The following MYO18B variants were observed in gnomAD, a reference collection of about 807,000 sequenced individuals.
MYO18B encodes unconventional myosin-XVIIIb.
In MYO18B, 204 loss-of-function variants were observed where a neutral mutation model predicts 273.0. That is an observed-to-expected ratio of 0.75 (90% CI 0.67 to 0.84). The LOEUF is 0.84. MYO18B is among the 40% of genes least tolerant of loss of function. MYO18B has a pLI of 0.00. For synonymous variants in MYO18B, 1,330 were observed against 1,305.7 expected, an observed-to-expected ratio of 1.02 and a Z score of -0.40; for missense variants, 3,212 against 3,287.6, an observed-to-expected ratio of 0.98 and a Z score of 0.56.
chr22:26,014,586 G>A (rs1269665750), intron 42 of MYO18B, among the ~76,000 whole-genome samples: 1 of 152,160 alleles, frequency 6.6e-6, no homozygotes, highest in African/African-American at 2.4e-5. Context: ...TAGCTCTGGT[G>A]CAAGCTATTA....
Position 25,992,478 on chromosome 22 carries a change from A to C in MYO18B, c.6272A>C (p.Asp2091Ala). The change falls in exon 40 of 44, where the codon GAC becomes GCC. Residue 2091 changes from aspartate (D) to alanine (A), a missense_variant. Physicochemically the swap from Asp to Ala is moderately radical, Grantham distance 126. Transcript: ENST00000335473. ...QAALEEVASSDSDTESVQTAV... is the reference protein window; with the variant it reads ...QAALEEVASSASDTESVQTAV... ...GCCTTGGAAGAAGTGGCATCCAGTG[A>C]CAGTGATACTGAGAGGTAACTTGCT... The C allele has an allele frequency of 6.2e-7, 1 of 1,613,986 alleles. No homozygotes were observed. The highest frequency in any genetic ancestry group is 8.5e-7 in the Non-Finnish European group (1 of 1,179,892).
intron 12 of MYO18B, 43 bp downstream of exon 12, chr22:25,798,140 C>A (rs1055215565): frequency 2.6e-6 from 4 of 1,555,938 alleles, no homozygotes; most frequent in Admixed American, 1.9e-5. Flanking sequence ...GCAGCTGTCT[C>A]CTTTGGCAGG....
chr22:26,002,830 TG>T (rs1485727158), intron 40 of MYO18B, among the ~76,000 whole-genome samples: 17 of 152,318 alleles, frequency 1.1e-4, no homozygotes, highest in African/African-American at 4.1e-4. Context: ...TAATTAGTAT[TG>T]GAGTTTCCCA....
chr22:25,855,667 G>T (rs1218455477), intron 21 of MYO18B, among the ~76,000 whole-genome samples: 4 of 152,122 alleles, frequency 2.6e-5, no homozygotes, highest in African/African-American at 9.7e-5. Context: ...GGGCATTTAG[G>T]GTGATTCTAT....
At chr22:25,921,205 C>A (rs114489816) in intron 33 of MYO18B, 52 bp from the exon 34 acceptor site, 2 of 1,515,108 alleles carry the variant, frequency 1.3e-6, no homozygotes, top group African/African-American at 1.4e-5. Context: ...AAAACTTAGA[C>A]CCTGGCCACT....
At position 25,769,100 on chromosome 22, in the gene MYO18B, T is replaced by TG. The variant is rs2086620236; in HGVS notation, c.1188dup (p.Gln397AlafsTer5). The TG allele has an allele frequency of 6.2e-7, 1 of 1,613,380 alleles. No homozygotes were observed. Among genetic ancestry groups the TG allele is most frequent in the African/African-American group, 1.3e-5 (1 of 75,012 alleles). On this transcript the variant is annotated frameshift_variant, in exon 4 of 44. Transcript: ENST00000335473. LOFTEE classifies it high-confidence loss of function. ...GAGTCCTGGGATAAGAAGGAAAAGATGGGGCAACCCCAGGGTAAGTCCGGG... is the reference window on the plus strand; with the variant it reads ...GAGTCCTGGGATAAGAAGGAAAAGATGGGGGCAACCCCAGGGTAAGTCCGGG...
chr22:26,027,088 A>G lies in MYO18B; in HGVS notation c.7114A>G (p.Arg2372Gly). ...AAAACTGAGCTCTCCGACCACACCC[A>G]GGGACATGCTGTTGTCGCCCACACT... ...GRKLSSPTTPRDMLLSPTLRP... is the reference protein window; with the variant it reads ...GRKLSSPTTPGDMLLSPTLRP... Residue 2372 changes from arginine to glycine, a missense_variant, in exon 43 of 44, where the codon AGG (arginine) becomes GGG (glycine). Transcript: ENST00000335473. This position sits in a 1 kb window ranked among gnomAD's most constrained non-coding sequence, Gnocchi z 4.1. 3 of 1,614,008 alleles carry G rather than the reference A, an allele frequency of 1.9e-6. No homozygotes were observed. The African/African-American group carries it at 4.0e-5, about 22-fold the overall frequency.
At chr22:26,014,029 CT>C (rs1480158957) in intron 42 of MYO18B, among the ~76,000 whole-genome samples, 1 of 151,976 alleles carries the variant, frequency 6.6e-6, no homozygotes, top group Non-Finnish European at 1.5e-5. Context: ...TAATGTTTTC[CT>C]TTATGGTTGG....
intron 17 of MYO18B, among the ~76,000 whole-genome samples, chr22:25,843,479 T>C (rs1406352536): frequency 6.6e-6 from 1 of 152,116 alleles, no homozygotes; most frequent in East Asian, 1.9e-4. Flanking sequence ...ATAGAAAAAC[T>C]CGAGGAGATC....
At chr22:25,779,347 TAATG>T (rs1341754511) in intron 8 of MYO18B, among the ~76,000 whole-genome samples, 3 of 152,238 alleles carry the variant, frequency 2.0e-5, no homozygotes, top group African/African-American at 7.2e-5. Flanking sequence ...AGTTAATTAT[TAATG>T]AATTAACTAG....
At chr22:25,792,481 C>CTTT (rs376827286) in intron 11 of MYO18B, among the ~76,000 whole-genome samples, 5,435 of 54,378 alleles carry the variant, frequency 0.1, 242 homozygotes, top group Middle Eastern at 0.14. Context: ...TGTGATGTTT[C>CTTT]TTTTTTTTTT....
At chr22:25,743,315 C>T (rs763529314) in intron 1 of MYO18B, among the ~76,000 whole-genome samples, 1 of 152,212 alleles carries the variant, frequency 6.6e-6, no homozygotes, top group Non-Finnish European at 1.5e-5. Flanking sequence ...TAATGGTGGC[C>T]TTGGGTGCTG....
chr22:25,950,046 G>T (rs1179795693), intron 36 of MYO18B, among the ~76,000 whole-genome samples: 1 of 152,130 alleles, frequency 6.6e-6, no homozygotes. Context: ...ATGACCCTCC[G>T]AGTAGCTCTC....
intron 39 of MYO18B, among the ~76,000 whole-genome samples, chr22:25,987,704 C>G (rs2093217572): frequency 6.6e-6 from 1 of 151,896 alleles, no homozygotes; most frequent in Non-Finnish European, 1.5e-5. Flanking sequence ...ATTGCCGGCA[C>G]CTAGATCAGT....
At chr22:25,955,505 A>T in intron 39 of MYO18B, 141 bp downstream of exon 39, 1 of 878,270 alleles carries the variant, frequency 1.1e-6, no homozygotes. Context: ...AGGAGAAACA[A>T]GAAGGGGAGA....
chr22:25,891,002 C>T, intron 26 of MYO18B, 127 bp downstream of exon 26: 1 of 1,357,358 alleles, frequency 7.4e-7, no homozygotes, highest in Non-Finnish European at 9.9e-7. Context: ...GACTGCTGGG[C>T]TCAAGGTCCT....
chr22:25,758,974 T>A (rs1480754138), intron 1 of MYO18B, among the ~76,000 whole-genome samples: 1 of 152,142 alleles, frequency 6.6e-6, no homozygotes, highest in Non-Finnish European at 1.5e-5. Context: ...CAGGATGGTC[T>A]CGATATCCTG....
At chr22:25,904,948 A>G (rs2092011223) in intron 31 of MYO18B, among the ~76,000 whole-genome samples, 19 of 152,142 alleles carry the variant, frequency 1.2e-4, no homozygotes. Context: ...TGAGATAAAA[A>G]AAAAAAAAAA....
At chr22:25,784,683 T>C (rs1274334913) in intron 10 of MYO18B, among the ~76,000 whole-genome samples, 4 of 152,170 alleles carry the variant, frequency 2.6e-5, no homozygotes, top group Admixed American at 2.6e-4. Context: ...GGCTCTACAA[T>C]GCTTTTGTGA....
Sources: allele counts gnomAD v4.1 joint callset (sites outside exome capture counted in the v4.1 genomes callset), GRCh38; gene constraint gnomAD v4.1.1; non-coding constraint Gnocchi (gnomAD v3.1); transcripts MANE v1.5; gene names NCBI Gene and HGNC (gene_info 2026-07-23, HGNC 2026-07-21).